Variants in CFAP44 observed in about 807,000 individuals in gnomAD.
CFAP44 encodes cilia and flagella associated protein 44.
CFAP44 carries 134 observed loss-of-function variants against 216.2 expected under a neutral mutation model. That is an observed-to-expected ratio of 0.62 (90% CI 0.54 to 0.72). The LOEUF (loss-of-function observed/expected upper bound fraction) is 0.72, where lower values mean the gene tolerates loss of function less well. CFAP44 is among the 30% of genes least tolerant of loss of function. CFAP44 has a pLI of 0.00. For missense variants in CFAP44, 2,035 were observed against 2,182.1 expected, an observed-to-expected ratio of 0.93 and a Z score of 1.34; for synonymous variants, 700 against 727.6, an observed-to-expected ratio of 0.96 and a Z score of 0.61.
At chr3:113,357,408 C>T (rs1268574278) in intron 22 of CFAP44, among the ~76,000 whole-genome samples, 1 of 152,128 alleles carries the variant, frequency 6.6e-6, no homozygotes, top group Non-Finnish European at 1.5e-5. Flanking sequence ...CAGAGATGGA[C>T]ATACACAGGG....
Position 113,366,064 on chromosome 3 carries a change from A to G in CFAP44, c.2690T>C (p.Met897Thr). 6.2e-7 allele frequency: 1 copy of G among 1,612,862 alleles called. No homozygotes were observed. The highest frequency in any genetic ancestry group is 1.1e-5 in the South Asian group (1 of 90,924). The change falls in exon 19 of 35, where the codon ATG (methionine) becomes ACG (threonine). Residue 897 changes from methionine (M) to threonine (T), a missense_variant. Coordinates refer to ENST00000393845, the MANE Select transcript of CFAP44 (RefSeq NM_001164496.2). ...CCTGGGAGATGGAACTTTGGCCTTCATGTCTTTCCTTAGCATAAATTCAGA... is the reference window on the plus strand; with the variant it reads ...CCTGGGAGATGGAACTTTGGCCTTCGTGTCTTTCCTTAGCATAAATTCAGA... ...IFSEFMLRKD[M>T]KAKVPSPRFG...
rs1334876974 is a variant in CFAP44, at chr3:113,327,606, C to T, written c.4320+10G>A. The T allele has an allele frequency of 1.3e-6, 2 of 1,531,480 alleles. No individual in the cohort carries two copies. Among genetic ancestry groups the T allele is most frequent in the African/African-American group, 1.4e-5 (1 of 72,988 alleles). 94.9% of individuals were successfully genotyped at this position (1,531,480 alleles called of 1,614,324 possible). A position where few individuals can be genotyped will look rare whatever the true frequency, so the allele number is the denominator to read the frequency against. ...GACCAGCCAGCTAGGATTCTTCTGCCCACTCATACTTGCATGTACTGTTCC... is the reference window on the plus strand; with the variant it reads ...GACCAGCCAGCTAGGATTCTTCTGCTCACTCATACTTGCATGTACTGTTCC... On this transcript the variant is annotated intron_variant, in intron 27 of 34. Transcript: ENST00000393845.
rs550797683 is a variant in CFAP44 at position 113,385,202 on chromosome 3, T to G, written c.1891-4142A>C. 5.3e-5 allele frequency among the ~76,000 whole-genome samples: 8 copies of G among 152,324 alleles called. No homozygotes were observed. The South Asian group carries it at 1.7e-3, about 32-fold the overall frequency. On this transcript the variant is annotated intron_variant, in intron 15 of 34. Coordinates refer to ENST00000393845, the MANE Select transcript of CFAP44 (RefSeq NM_001164496.2). The stretch of plus-strand genomic sequence containing the variant: ...AGGCCTCCCCAGCCATGAGGAACTG[T>G]GAGTCCATTAAACCTCTTTTTATTT...
At chr3:113,419,516 T>C (rs1934748375) in intron 5 of CFAP44, among the ~76,000 whole-genome samples, 1 of 152,204 alleles carries the variant, frequency 6.6e-6, no homozygotes, top group Non-Finnish European at 1.5e-5. Context: ...ATACTATATA[T>C]AGATAGATGA....
intron 1 of CFAP44, chr3:113,434,838 ACT>A (rs577177742): frequency 7.9e-5 from 12 of 152,232 alleles, no homozygotes; most frequent in African/African-American, 1.2e-4. Context: ...AAACTGCCAC[ACT>A]GTTATATCTT....
Position 113,374,974 on chromosome 3 carries a change from C to T in CFAP44, c.2299-1418G>A, listed in dbSNP as rs144397872. ...TATGACTGAGTATATAAGCAAAATA[C>T]GGTACATACTTAAAGTGGAGTATTA... is the stretch of plus-strand genomic sequence containing the variant. On this transcript the variant is annotated intron_variant, in intron 17 of 34. Coordinates refer to ENST00000393845, the MANE Select transcript of CFAP44 (RefSeq NM_001164496.2). 1.4e-4 allele frequency among the ~76,000 whole-genome samples: 21 copies of T among 152,144 alleles called. 1 individual carries two copies. The highest frequency in any genetic ancestry group is 1.0e-3 in the South Asian group (5 of 4,814).
Position 113,287,967 on chromosome 3 carries a change from T to C in CFAP44, c.*3590A>G, listed in dbSNP as rs1388333153. The stretch of plus-strand genomic sequence containing the variant: ...TGTTGTCCAACCAAAGGATCAACCA[T>C]AGATTCTTTTTTAATTGAAATTTTA... On this transcript the variant is annotated 3_prime_UTR_variant, in exon 35 of 35. Coordinates refer to ENST00000393845, the MANE Select transcript of CFAP44 (RefSeq NM_001164496.2). 1.3e-5 allele frequency: 2 copies of C among 152,236 alleles called. No individual in the cohort carries two copies. The highest frequency in any genetic ancestry group is 4.8e-5 in the African/African-American group (2 of 41,458). The allele number at this position is 152,236 out of a possible 1,614,324, so 9.4% of individuals were successfully genotyped here. A position where few individuals can be genotyped will look rare whatever the true frequency, so the allele number is the denominator to read the frequency against.
At position 113,409,180 on chromosome 3, in the gene CFAP44, A is replaced by C. The variant is rs1462814616; in HGVS notation, c.816T>G (p.Ser272=). 3.7e-6 allele frequency: 6 copies of C among 1,613,990 alleles called. No individual in the cohort carries two copies. In the South Asian group the frequency reaches 4.4e-5, roughly 12 times the overall value. Residue 272 remains serine (S), a synonymous_variant, in exon 7 of 35, where the codon TCT becomes TCG. Coordinates refer to ENST00000393845, the MANE Select transcript of CFAP44 (RefSeq NM_001164496.2). The stretch of plus-strand genomic sequence containing the variant: ...TGAAAGTAACCTTAAAAACTTCCTG[A>C]GAAAAAGCTTTTGTCCTTAGTATGG... ...EQPILRTKAF[S]QEVFKVTFNP...
In CFAP44 at chr3:113,379,499, A is replaced by G. The variant is rs2107335471; in HGVS notation, c.2105T>C (p.Ile702Thr). 1.2e-6 allele frequency: 2 copies of G among 1,602,832 alleles called. No individual in the cohort carries two copies. Among genetic ancestry groups the G allele is most frequent in the East Asian group, 4.5e-5 (2 of 44,714 alleles). Residue 702 changes from isoleucine (I) to threonine (T), a missense_variant, in exon 17 of 35, where the codon ATA (isoleucine) becomes ACA (threonine). Ile to Thr is a moderately conservative substitution (Grantham distance 89). Around this residue, in one of 3 missense-constraint regions of CFAP44, gnomAD observed 1,883 missense variants for 2,023.7 expected, o/e 0.93. Transcript: ENST00000393845. The stretch of plus-strand genomic sequence containing the variant: ...TAGCTTGTTCCTCCTTTCTTCCCTT[A>G]TTTTCTCCTTCAACTCCCTTTGTCT... ...RERQRELKEK[I>T]REERRNKLAA...
intron 1 of CFAP44, among the ~76,000 whole-genome samples, chr3:113,437,690 G>T (rs1343256948): frequency 1.3e-5 from 2 of 152,216 alleles, no homozygotes; most frequent in Non-Finnish European, 2.9e-5. Flanking sequence ...TGAAGAACCT[G>T]TAAAAAGCAG....
chr3:113,381,194 T>G, intron 15 of CFAP44, 134 bp from the exon 16 acceptor site: 1 of 516,588 alleles, frequency 1.9e-6, no homozygotes, highest in Non-Finnish European at 3.0e-6. Flanking sequence ...TCACTGCAGT[T>G]ATTGGTAAAA....
In CFAP44 at chr3:113,296,856, T is replaced by C. The variant is rs1949886950; in HGVS notation, c.5107A>G (p.Ile1703Val). 2 of 1,537,334 alleles carry C rather than the reference T, an allele frequency of 1.3e-6. No individual in the cohort carries two copies. Among genetic ancestry groups the C allele is most frequent in the Non-Finnish European group, 1.7e-6 (2 of 1,146,932 alleles). ...TTTACCACACGGCCAAACTTGCTGA[T>C]CATGAGCTGCCGGACTGTTTCCTCC... ...KMEETVRQLM[I>V]SKFGRVVNLE... Residue 1703 changes from isoleucine to valine, a missense_variant, in exon 33 of 35, where the codon ATC becomes GTC. Physicochemically the swap from Ile to Val is conservative, Grantham distance 29. This residue lies in a region of CFAP44 where 1,883 missense variants were observed against 2,023.7 expected (regional missense o/e 0.93). Transcript: ENST00000393845.
chr3:113,305,192 A>G, intron 30 of CFAP44, 40 bp from the exon 31 acceptor site: 5 of 1,484,186 alleles, frequency 3.4e-6, no homozygotes, highest in Non-Finnish European at 4.5e-6. Flanking sequence ...GACAAGACTC[A>G]ATAAACATAC....
intron 6 of CFAP44, among the ~76,000 whole-genome samples, chr3:113,415,177 T>C (rs771981265): frequency 2.0e-5 from 3 of 152,218 alleles, no homozygotes; most frequent in Non-Finnish European, 4.4e-5. Flanking sequence ...TCTCTGATGG[T>C]AGTCTGTATT....
At chr3:113,320,651 C>T (rs1295705815) in intron 28 of CFAP44, among the ~76,000 whole-genome samples, 1 of 151,216 alleles carries the variant, frequency 6.6e-6, no homozygotes, top group African/African-American at 2.4e-5. Flanking sequence ...TCACAAGGTC[C>T]TAAAATAGAC....
At chr3:113,388,124 A>G (rs1369876686) in intron 15 of CFAP44, among the ~76,000 whole-genome samples, 1 of 152,098 alleles carries the variant, frequency 6.6e-6, no homozygotes, top group Non-Finnish European at 1.5e-5. Flanking sequence ...ACCACCCTGA[A>G]GGGAATACAA....
intron 17 of CFAP44, among the ~76,000 whole-genome samples, chr3:113,374,773 T>G (rs1377868975): frequency 6.6e-6 from 1 of 152,166 alleles, no homozygotes. Context: ...TAGCTAGGAT[T>G]GCAGGTTTGA....
chr3:113,416,704 C>T, intron 5 of CFAP44, 77 bp from the exon 6 acceptor site: 1 of 1,018,262 alleles, frequency 9.8e-7, no homozygotes, highest in Non-Finnish European at 1.4e-6. Context: ...CAGTATTTAG[C>T]ATCCATTATT....
chr3:113,376,099 C>A (rs748625950), intron 17 of CFAP44, among the ~76,000 whole-genome samples: 1 of 152,064 alleles, frequency 6.6e-6, no homozygotes, highest in African/African-American at 2.4e-5. Flanking sequence ...CTATAGGATT[C>A]TTTTAAGCCT....
Sources: gnomAD v4.1 joint callset for allele counts (sites outside exome capture counted in the v4.1 genomes callset) on GRCh38, gnomAD v4.1.1 for gene constraint, gnomAD v4.1.1 regional missense constraint, MANE v1.5 for transcripts, NCBI Gene and HGNC (gene_info 2026-07-23, HGNC 2026-07-21) for gene names.